MGMT: variants seen among roughly 807,000 people sequenced by gnomAD.
The protein encoded by MGMT is O-6-methylguanine-DNA methyltransferase, also known as methylated-DNA--protein-cysteine methyltransferase.
Under a neutral mutation model 15.9 loss-of-function variants are expected in MGMT, and 14 were observed. That is an observed-to-expected ratio of 0.88 (90% CI 0.58 to 1.37). The LOEUF (loss-of-function observed/expected upper bound fraction) is 1.37, where lower values mean the gene tolerates loss of function less well. Among genes scored for constraint, MGMT ranks in the 40% most tolerant of loss-of-function variants. MGMT has a pLI of 0.00. For missense variants in MGMT, 282 were observed against 268.1 expected, an observed-to-expected ratio of 1.05 and a Z score of -0.36; for synonymous variants, 130 against 118.2, an observed-to-expected ratio of 1.10 and a Z score of -0.65.
At chr10:129,743,716 A>G (rs1345992297) in intron 3 of MGMT, among the ~76,000 whole-genome samples, 3 of 152,268 alleles carry the variant, frequency 2.0e-5, no homozygotes, top group African/African-American at 7.2e-5. Context: ...CACAGCTGAC[A>G]TGCTGAAACA....
intron 2 of MGMT, among the ~76,000 whole-genome samples, chr10:129,677,741 C>T (rs972229464): frequency 1.3e-5 from 2 of 152,192 alleles, no homozygotes; most frequent in Non-Finnish European, 2.9e-5. Flanking sequence ...GGACTGCCCC[C>T]CACAAAGCCC....
intron 2 of MGMT, among the ~76,000 whole-genome samples, chr10:129,661,937 A>G (rs941856674): frequency 5.3e-5 from 8 of 152,164 alleles, no homozygotes; most frequent in African/African-American, 1.9e-4. Flanking sequence ...ATCTACCCTC[A>G]TCACTGAAAT....
Position 129,538,633 on chromosome 10 carries a change from AT to A in MGMT, c.125+2268del, listed in dbSNP as rs572752392. 7.8e-3 allele frequency among the ~76,000 whole-genome samples: 1,123 copies of A among 144,900 alleles called. 9 individuals are homozygous for A. Among genetic ancestry groups the A allele is most frequent in the African/African-American group, 0.017 (684 of 39,828 alleles). ...AAATATCTACTCAAGTCTTTTGCCC[AT>A]TTTTTTTTTTTATTTCTTTGAGATG... is the stretch of plus-strand genomic sequence containing the variant. On this transcript the variant is annotated intron_variant, in intron 2 of 4. Transcript: ENST00000651593.
chr10:129,555,731 T>A (rs181780328), intron 2 of MGMT, among the ~76,000 whole-genome samples: 1,996 of 151,542 alleles, frequency 0.013, 51 homozygotes, highest in African/African-American at 0.046. Context: ...AAAAATAAAA[T>A]AAAAAATAAA....
chr10:129,745,799 G>A (rs1414679207), intron 3 of MGMT, among the ~76,000 whole-genome samples: 1 of 151,932 alleles, frequency 6.6e-6, no homozygotes, highest in East Asian at 1.9e-4. Flanking sequence ...TTTTTTTTAA[G>A]TTAGGTGGTT....
chr10:129,558,500 T>G (rs1275109929), intron 2 of MGMT, among the ~76,000 whole-genome samples: 1 of 152,224 alleles, frequency 6.6e-6, no homozygotes, highest in Non-Finnish European at 1.5e-5. Context: ...TCAGCGCCTC[T>G]GCCTTTGTGG....
intron 1 of MGMT, among the ~76,000 whole-genome samples, chr10:129,472,095 T>C (rs1845238394): frequency 6.6e-6 from 1 of 152,180 alleles, no homozygotes; most frequent in African/African-American, 2.4e-5. Flanking sequence ...GGTTGTCTTG[T>C]TTTTAATCCC....
At chr10:129,691,260 C>A (rs996901906) in intron 2 of MGMT, among the ~76,000 whole-genome samples, 1 of 152,220 alleles carries the variant, frequency 6.6e-6, no homozygotes, top group African/African-American at 2.4e-5. Flanking sequence ...TGTCTGTCCC[C>A]TGCCGGTCCT....
rs185319013 is a variant in MGMT, at chr10:129,529,901, T to C, written c.-12-6340T>C. On this transcript the variant is annotated intron_variant, in intron 1 of 4. Transcript: ENST00000651593. ...TAGCTCTCATTTTTCTTTTTCCTTT[T>C]TTTTCTTTCTTTTTGTGGGGACAGG... Among the ~76,000 whole-genome samples the C allele has an allele frequency of 6.2e-3, 940 of 151,186 alleles. 9 individuals carry two copies. The highest frequency in any genetic ancestry group is 0.022 in the African/African-American group (905 of 41,168).
At chr10:129,656,586 T>C (rs1468821243) in intron 2 of MGMT, among the ~76,000 whole-genome samples, 1 of 152,186 alleles carries the variant, frequency 6.6e-6, no homozygotes, top group Non-Finnish European at 1.5e-5. Context: ...GGGGCACCGC[T>C]TGGTTTTATA....
chr10:129,677,407 C>G (rs981066886), intron 2 of MGMT, among the ~76,000 whole-genome samples: 6 of 152,140 alleles, frequency 3.9e-5, no homozygotes, highest in Admixed American at 3.3e-4. Context: ...ATCAGCAGGT[C>G]CCTAACTTCT....
intron 2 of MGMT, among the ~76,000 whole-genome samples, chr10:129,595,491 A>G (rs1477652213): frequency 6.6e-6 from 1 of 152,132 alleles, no homozygotes; most frequent in Admixed American, 6.5e-5. Context: ...CCCCCGTGCC[A>G]CAGACATACT....
rs116975403 is a variant in MGMT at position 129,674,105 on chromosome 10, A to C, written c.126-33790A>C. On this transcript the variant is annotated intron_variant, in intron 2 of 4. Coordinates refer to ENST00000651593, the MANE Select transcript of MGMT (RefSeq NM_002412.5). ...GAAGTTGTTGCCACTGTCTCTTTTTATTAAACTAAATGCCAGAATTCTTTC... is the reference window on the plus strand; with the variant it reads ...GAAGTTGTTGCCACTGTCTCTTTTTCTTAAACTAAATGCCAGAATTCTTTC... 8.7e-3 allele frequency among the ~76,000 whole-genome samples: 1,326 copies of C among 152,246 alleles called. 8 individuals are homozygous for C. Among genetic ancestry groups the C allele is most frequent in the Non-Finnish European group, 0.012 (837 of 68,016 alleles).
chr10:129,704,262 C>T (rs1311133460), intron 2 of MGMT, among the ~76,000 whole-genome samples: 1 of 152,114 alleles, frequency 6.6e-6, no homozygotes, highest in African/African-American at 2.4e-5. Context: ...GAAAAGACAG[C>T]ACTCCCATGC....
intron 1 of MGMT, among the ~76,000 whole-genome samples, chr10:129,520,878 A>ACGGTGCGGGTG (rs1845800281): frequency 3.3e-5 from 5 of 149,344 alleles, no homozygotes; most frequent in African/African-American, 9.9e-5. Flanking sequence ...CAGAGCCCCT[A>ACGGTGCGGGTG]CAGTGCGGGT....
At chr10:129,620,849 C>T (rs1374260926) in intron 2 of MGMT, among the ~76,000 whole-genome samples, 1 of 152,084 alleles carries the variant, frequency 6.6e-6, no homozygotes, top group African/African-American at 2.4e-5. Context: ...TTCATTTGTA[C>T]TTTTTATTCT....
At chr10:129,473,955 G>A (rs569059585) in intron 1 of MGMT, among the ~76,000 whole-genome samples, 8 of 152,296 alleles carry the variant, frequency 5.3e-5, no homozygotes, top group Non-Finnish European at 1.2e-4. Flanking sequence ...GCTTCACCAT[G>A]TCCCTGCAGG....
Position 129,608,889 on chromosome 10 carries a change from T to C in MGMT, c.125+72512T>C, listed in dbSNP as rs550316060. On this transcript the variant is annotated intron_variant, in intron 2 of 4. Transcript: ENST00000651593. ...GCTGAATGCGGAGTGTGGTGACTTT[T>C]ATTTTTTCCTTTGCTATTGGTTTAG... 4.6e-5 allele frequency among the ~76,000 whole-genome samples: 7 copies of C among 152,376 alleles called. No homozygotes were observed. In the East Asian group the frequency reaches 1.4e-3, roughly 29 times the overall value.
At chr10:129,738,738 G>A (rs1410041153) in intron 3 of MGMT, among the ~76,000 whole-genome samples, 2 of 152,146 alleles carry the variant, frequency 1.3e-5, no homozygotes, top group Non-Finnish European at 2.9e-5. Context: ...AAGAAGAGCT[G>A]GTACCATTCC....
Sources: allele counts gnomAD v4.1 joint callset (sites outside exome capture counted in the v4.1 genomes callset), GRCh38; gene constraint gnomAD v4.1.1; transcripts MANE v1.5; gene names NCBI Gene and HGNC (gene_info 2026-07-23, HGNC 2026-07-21).